Variants in MALRD1 observed in about 807,000 individuals in gnomAD.
MALRD1 encodes the protein MAM and LDL receptor class A domain containing 1.
In MALRD1, 247 loss-of-function variants were observed where a neutral mutation model predicts 242.1. The ratio of observed to expected loss-of-function variants is 1.02; its 90% CI spans 0.92 to 1.13. The LOEUF (loss-of-function observed/expected upper bound fraction) is 1.13, where lower values mean the gene tolerates loss of function less well. MALRD1 is among the 50% of genes most tolerant of loss of function. MALRD1 has a pLI of 0.00. For missense variants in MALRD1, 2,989 were observed against 2,533.1 expected, an observed-to-expected ratio of 1.18 and a Z score of -3.86; for synonymous variants, 995 against 866.6, an observed-to-expected ratio of 1.15 and a Z score of -2.60.
rs148189662 is a variant in MALRD1, at chr10:19,327,105, C to T, written c.3577-458C>T. ...TGCTCACTCATCTTACCCATCTGTGCGCTTACAATGAAATGAGCTGACATT... is the reference window on the plus strand; with the variant it reads ...TGCTCACTCATCTTACCCATCTGTGTGCTTACAATGAAATGAGCTGACATT... On this transcript the variant is annotated intron_variant, in intron 22 of 39. Transcript: ENST00000454679. Among the ~76,000 whole-genome samples the T allele has an allele frequency of 5.0e-4, 76 of 152,122 alleles. 1 individual carries two copies. The highest frequency in any genetic ancestry group is 1.8e-3 in the African/African-American group (73 of 41,536).
intron 14 of MALRD1, among the ~76,000 whole-genome samples, chr10:19,202,773 A>T (rs930492893): frequency 4.6e-5 from 7 of 152,150 alleles, no homozygotes; most frequent in African/African-American, 7.2e-5. Context: ...GCAAATTCAG[A>T]TTATACCTTT....
intron 13 of MALRD1, among the ~76,000 whole-genome samples, 169 bp from the exon 14 acceptor site, chr10:19,175,039 G>A (rs1564443911): frequency 1.3e-5 from 2 of 152,128 alleles, no homozygotes; most frequent in Admixed American, 6.5e-5. Flanking sequence ...TGTCAAAGCA[G>A]TTATGGTTTT....
At chr10:19,719,211 T>TATATATATATAC (rs1834594597) in intron 38 of MALRD1, among the ~76,000 whole-genome samples, 1 of 21,474 alleles carries the variant, frequency 4.7e-5, no homozygotes, top group African/African-American at 2.1e-4. Context: ...TATATATATA[T>TATATATATATAC]ACACATACAT....
At chr10:19,676,724 C>T (rs1308745678) in intron 36 of MALRD1, among the ~76,000 whole-genome samples, 1 of 152,114 alleles carries the variant, frequency 6.6e-6, no homozygotes, top group East Asian at 1.9e-4. Context: ...AGGTTTGTTA[C>T]ATAGGTAAAC....
chr10:19,318,339 C>A (rs1271860578), intron 21 of MALRD1, among the ~76,000 whole-genome samples: 1 of 151,744 alleles, frequency 6.6e-6, no homozygotes, highest in Non-Finnish European at 1.5e-5. Context: ...TTGCATTTTT[C>A]AAATTGATCT....
At chr10:19,682,245 A>T (rs1026695769) in intron 36 of MALRD1, among the ~76,000 whole-genome samples, 1 of 152,198 alleles carries the variant, frequency 6.6e-6, no homozygotes, top group Non-Finnish European at 1.5e-5. Context: ...TGACAATGAG[A>T]CAAATGAGCT....
chr10:19,622,234 G>T (rs1417631370), intron 36 of MALRD1, among the ~76,000 whole-genome samples: 1 of 151,516 alleles, frequency 6.6e-6, no homozygotes, highest in Non-Finnish European at 1.5e-5. Flanking sequence ...AAACCCTAGA[G>T]AATTGATAAA....
chr10:19,244,572 C>A (rs78318582), intron 18 of MALRD1, among the ~76,000 whole-genome samples: 31,819 of 149,882 alleles, frequency 0.21, 3,467 homozygotes, highest in Admixed American at 0.33. Flanking sequence ...TTCAAAAAAA[C>A]AAAAAAAATC....
At chr10:19,414,425 A>T (rs913816810) in intron 28 of MALRD1, among the ~76,000 whole-genome samples, 5 of 152,278 alleles carry the variant, frequency 3.3e-5, no homozygotes, top group Admixed American at 6.5e-5. Flanking sequence ...AAAGATCCTA[A>T]GTTTTTTATT....
In MALRD1 at chr10:19,257,572, C is replaced by T. The variant is rs912494692; in HGVS notation, c.2992-112C>T. On this transcript the variant is annotated intron_variant, in intron 18 of 39. Coordinates refer to ENST00000454679, the MANE Select transcript of MALRD1 (RefSeq NM_001142308.3). ...ACTGCAAAGCAGTTTTTTAATGGCA[C>T]AGAAGGTTATATTTGGGTACATTTT... is the stretch of plus-strand genomic sequence containing the variant. 1.7e-5 allele frequency: 14 copies of T among 831,056 alleles called. No individual in the cohort carries two copies. The African/African-American group carries it at 2.3e-4, about 13-fold the overall frequency. The allele number at this position is 831,056 out of a possible 1,614,324, so 51.5% of individuals were successfully genotyped here.
At chr10:19,700,779 G>C (rs1413637343) in intron 38 of MALRD1, among the ~76,000 whole-genome samples, 1 of 151,988 alleles carries the variant, frequency 6.6e-6, no homozygotes, top group Non-Finnish European at 1.5e-5. Flanking sequence ...ACTTTTGTCA[G>C]TCTTAGTGAT....
Position 19,426,243 on chromosome 10 carries a change from A to G in MALRD1, c.4846-24064A>G, listed in dbSNP as rs1021202074. On this transcript the variant is annotated intron_variant, in intron 28 of 39. Transcript: ENST00000454679. ...TCAGAATGAGGAAAATGGGGTACTT[A>G]GTGGTTAAAACATGTCAAATAAATA... Among the ~76,000 whole-genome samples, 4 of 152,254 alleles carry G rather than the reference A, an allele frequency of 2.6e-5. No individual in the cohort carries two copies. In the East Asian group the frequency reaches 7.8e-4, roughly 30 times the overall value.
At chr10:19,371,953 G>A (rs938969078) in intron 26 of MALRD1, among the ~76,000 whole-genome samples, 1 of 152,074 alleles carries the variant, frequency 6.6e-6, no homozygotes, top group African/African-American at 2.4e-5. Context: ...GTATACAGAA[G>A]GTCTAAAGGG....
Position 19,197,539 on chromosome 10 carries a change from A to T in MALRD1, c.1952-6189A>T, listed in dbSNP as rs376493773. On this transcript the variant is annotated intron_variant, in intron 14 of 39. Coordinates refer to ENST00000454679, the MANE Select transcript of MALRD1 (RefSeq NM_001142308.3). ...ACACCCTGGTCTCTGAATACATCTG[A>T]AACATGAGAAGCATGCTATGGCCTC... 8.7e-4 allele frequency among the ~76,000 whole-genome samples: 132 copies of T among 152,220 alleles called. No homozygotes were observed. The Middle Eastern group carries it at 0.014, about 16-fold the overall frequency.
At chr10:19,239,598 CAT>C (rs1838667051) in intron 18 of MALRD1, among the ~76,000 whole-genome samples, 1 of 152,144 alleles carries the variant, frequency 6.6e-6, no homozygotes. Flanking sequence ...GAATTTCCCA[CAT>C]GTTATCTCCT....
chr10:19,502,028 AAAG>A (rs797022043), intron 31 of MALRD1, among the ~76,000 whole-genome samples: 2 of 99,014 alleles, frequency 2.0e-5, no homozygotes, highest in Non-Finnish European at 3.8e-5. Flanking sequence ...AAAAAAAAGA[AAAG>A]AAAAGAAAAG....
At chr10:19,252,340 G>A (rs929728761) in intron 18 of MALRD1, among the ~76,000 whole-genome samples, 2 of 152,052 alleles carry the variant, frequency 1.3e-5, no homozygotes, top group East Asian at 1.9e-4. Flanking sequence ...CTTCTCTATC[G>A]TAAATGGTGA....
At chr10:19,130,884 T>G (rs1833074728) in intron 8 of MALRD1, among the ~76,000 whole-genome samples, 1 of 152,156 alleles carries the variant, frequency 6.6e-6, no homozygotes, top group Non-Finnish European at 1.5e-5. Flanking sequence ...ATACCACACA[T>G]CATTAACTCT....
chr10:19,117,641 CATTCCCTTAGTTGCATA>C (rs1416066107), intron 5 of MALRD1, among the ~76,000 whole-genome samples: 1 of 152,172 alleles, frequency 6.6e-6, no homozygotes, highest in East Asian at 1.9e-4. Flanking sequence ...TTATTGCCAA[CATTCCCTTAGTTGCATA>C]TGCAGCTTTG....
Sources: allele counts gnomAD v4.1 joint callset (sites outside exome capture counted in the v4.1 genomes callset), GRCh38; gene constraint gnomAD v4.1.1; transcripts MANE v1.5; gene names NCBI Gene and HGNC (gene_info 2026-07-23, HGNC 2026-07-21).